ADK: variants seen among roughly 807,000 people sequenced by gnomAD.
ADK encodes adenosine kinase, also known as N6,N6-dimethyladenosine kinase.
A neutral mutation model predicts 44.7 loss-of-function variants in ADK; 24 were observed. The observed-to-expected ratio is 0.54, with a 90% CI of 0.39 to 0.76. ADK has a LOEUF of 0.76. ADK is among the 30% of genes least tolerant of loss of function. The pLI is 0.00. For missense variants in ADK, 321 were observed against 425.1 expected (o/e 0.76, Z 2.15); for synonymous variants, 128 against 142.6 (o/e 0.90, Z 0.73).
chr10:74,159,221 G>T (rs1449739289), intron 1 of ADK, among the ~76,000 whole-genome samples: 1 of 152,164 alleles, frequency 6.6e-6, no homozygotes, highest in East Asian at 1.9e-4. Context: ...TTGCATGCAT[G>T]CTGACTTTAG....
intron 4 of ADK, among the ~76,000 whole-genome samples, chr10:74,342,356 G>T (rs917384155): frequency 1.3e-5 from 2 of 152,136 alleles, no homozygotes; most frequent in Non-Finnish European, 2.9e-5. Context: ...ACACTGTAAA[G>T]AAAACTTATT....
At chr10:74,242,740 A>G (rs916339303) in intron 3 of ADK, among the ~76,000 whole-genome samples, 10 of 152,168 alleles carry the variant, frequency 6.6e-5, no homozygotes. Flanking sequence ...TTCCAAAGCT[A>G]CCTATGGCCT....
chr10:74,470,732 T>C (rs1346656633), intron 6 of ADK, among the ~76,000 whole-genome samples: 2 of 152,096 alleles, frequency 1.3e-5, no homozygotes, highest in Non-Finnish European at 2.9e-5. Flanking sequence ...TCTCACTTCA[T>C]AAGTTGCCTT....
intron 2 of ADK, among the ~76,000 whole-genome samples, chr10:74,222,075 A>G (rs1341116375): frequency 2.6e-5 from 4 of 152,188 alleles, no homozygotes; most frequent in Admixed American, 6.5e-5. Flanking sequence ...TGAACAGGCA[A>G]CCCACAAAAT....
chr10:74,444,710 G>C (rs1316372879), intron 6 of ADK, among the ~76,000 whole-genome samples: 1 of 151,968 alleles, frequency 6.6e-6, no homozygotes, highest in Non-Finnish European at 1.5e-5. Flanking sequence ...TTTTATTTCA[G>C]AGTTAAGGAG....
At chr10:74,376,355 A>G (rs1221448677) in intron 4 of ADK, among the ~76,000 whole-genome samples, 2 of 152,066 alleles carry the variant, frequency 1.3e-5, no homozygotes, top group Non-Finnish European at 2.9e-5. Flanking sequence ...CTTATCATAT[A>G]TCAAGTTTTT....
chr10:74,203,781 T>C (rs964541500), intron 2 of ADK, among the ~76,000 whole-genome samples: 2 of 150,482 alleles, frequency 1.3e-5, no homozygotes, highest in Admixed American at 1.3e-4. Flanking sequence ...TTATTATTAA[T>C]TTTTAATTTG....
At chr10:74,660,573 A>T (rs1353955910) in intron 9 of ADK, among the ~76,000 whole-genome samples, 1 of 151,560 alleles carries the variant, frequency 6.6e-6, no homozygotes, top group Non-Finnish European at 1.5e-5. Context: ...ACTCTTCTCT[A>T]CAAAGAATCA....
At chr10:74,501,295 A>G (rs1466266848) in intron 6 of ADK, among the ~76,000 whole-genome samples, 1 of 152,230 alleles carries the variant, frequency 6.6e-6, no homozygotes, top group Non-Finnish European at 1.5e-5. Flanking sequence ...TCAATTAGGT[A>G]CTTCAAGATC....
At chr10:74,627,836 C>T (rs939108596) in intron 9 of ADK, among the ~76,000 whole-genome samples, 2 of 152,060 alleles carry the variant, frequency 1.3e-5, no homozygotes, top group African/African-American at 2.4e-5. Flanking sequence ...GGGGTTTCAC[C>T]GTGTTGGCCA....
chr10:74,532,681 A>G (rs1336631684), intron 7 of ADK, among the ~76,000 whole-genome samples: 1 of 152,010 alleles, frequency 6.6e-6, no homozygotes, highest in Admixed American at 6.6e-5. Context: ...CTGGTGGATC[A>G]TTTGAGGTCA....
In ADK at chr10:74,217,297, G is replaced by A. The variant is rs983547964; in HGVS notation, c.141-7241G>A. Among the ~76,000 whole-genome samples the A allele has an allele frequency of 6.6e-5, 10 of 152,354 alleles. 1 individual carries two copies. The highest frequency in any genetic ancestry group is 6.8e-3 in the Middle Eastern group (2 of 294). ...ACAGCAGTCTCAGATCAAACTGCAA[G>A]GCGGCAGCGAGGCTGGGAGAGGGGC... is the stretch of plus-strand genomic sequence containing the variant. On this transcript the variant is annotated intron_variant, in intron 2 of 10. Transcript: ENST00000539909.
chr10:74,431,634 G>A (rs1038059523), intron 6 of ADK, among the ~76,000 whole-genome samples: 8 of 152,050 alleles, frequency 5.3e-5, no homozygotes, highest in African/African-American at 1.5e-4. Flanking sequence ...TCAGTTGCTC[G>A]GGAGGCTGAG....
chr10:74,471,880 T>C (rs2133298523), intron 6 of ADK, among the ~76,000 whole-genome samples: 1 of 152,378 alleles, frequency 6.6e-6, no homozygotes, highest in East Asian at 1.9e-4. Flanking sequence ...TGAATTTATT[T>C]ATTCCTCCTA....
In ADK at chr10:74,623,441, G is replaced by A. The variant is rs1165270064; in HGVS notation, c.877+22948G>A. 4.0e-5 allele frequency among the ~76,000 whole-genome samples: 6 copies of A among 151,828 alleles called. No individual in the cohort carries two copies. The South Asian group carries it at 1.3e-3, about 32-fold the overall frequency. Reference sequence around the variant, plus strand: ...TTATCCTACTAAACTACATCCAGAGGCCCTTTGACCCAAGAAAATGTCCAT... The same window carrying A: ...TTATCCTACTAAACTACATCCAGAGACCCTTTGACCCAAGAAAATGTCCAT... On this transcript the variant is annotated intron_variant, in intron 9 of 10. Coordinates refer to ENST00000539909, the MANE Select transcript of ADK (RefSeq NM_006721.4).
intron 4 of ADK, chr10:74,372,439 A>G: frequency 1.8e-6 from 1 of 564,318 alleles, no homozygotes. Context: ...CACGCTCTTA[A>G]GCAACATGGA....
chr10:74,271,891 A>G (rs1046416749), intron 3 of ADK, among the ~76,000 whole-genome samples: 10 of 152,178 alleles, frequency 6.6e-5, no homozygotes, highest in South Asian at 2.1e-4. Flanking sequence ...TGAACTTTCC[A>G]TTGATATGTC....
intron 6 of ADK, among the ~76,000 whole-genome samples, chr10:74,434,001 G>T (rs1564719895): frequency 1.3e-5 from 2 of 152,090 alleles, no homozygotes; most frequent in Admixed American, 6.6e-5. Context: ...AAAAGCCCTT[G>T]GAAATGAATA....
At chr10:74,391,887 A>C (rs1032416217) in intron 4 of ADK, among the ~76,000 whole-genome samples, 1 of 152,104 alleles carries the variant, frequency 6.6e-6, no homozygotes, top group African/African-American at 2.4e-5. Flanking sequence ...GGCAACCAAC[A>C]TTCTACTTAT....
Sources: allele counts gnomAD v4.1 joint callset (sites outside exome capture counted in the v4.1 genomes callset), GRCh38; gene constraint gnomAD v4.1.1; transcripts MANE v1.5; gene names NCBI Gene and HGNC (gene_info 2026-07-23, HGNC 2026-07-21).